Variants in CD200R1 observed in about 807,000 individuals in gnomAD.
CD200R1 encodes CD200 receptor 1, also known as cell surface glycoprotein CD200 receptor 1.
Under a neutral mutation model 38.1 loss-of-function variants are expected in CD200R1, and 30 were observed. The observed-to-expected ratio is 0.79, with a 90% CI of 0.59 to 1.07. The LOEUF is 1.07. CD200R1 is among the 50% of genes least tolerant of loss of function. CD200R1 has a pLI of 0.00. For synonymous variants in CD200R1, 128 were observed against 152.1 expected (o/e 0.84, Z 1.16); for missense variants, 372 against 415.4 (o/e 0.90, Z 0.91).
chr3:112,928,698 TA>T, intron 5 of CD200R1, 117 bp downstream of exon 5: 3 of 762,848 alleles, frequency 3.9e-6, no homozygotes, highest in Non-Finnish European at 4.2e-6. Context: ...AGGGAAGAGA[TA>T]AAAATGAAGA....
chr3:112,968,010 A>T (rs1423210891), intron 1 of CD200R1, among the ~76,000 whole-genome samples: 1 of 152,242 alleles, frequency 6.6e-6, no homozygotes, highest in East Asian at 1.9e-4. Flanking sequence ...ATACATCTTC[A>T]TTTCACAAAT....
intron 2 of CD200R1, among the ~76,000 whole-genome samples, chr3:112,941,090 G>A (rs1940717208): frequency 6.6e-6 from 1 of 151,504 alleles, no homozygotes; most frequent in African/African-American, 2.4e-5. Flanking sequence ...CTATGCAGAA[G>A]TTTAAAAAAA....
intron 1 of CD200R1, among the ~76,000 whole-genome samples, chr3:112,955,083 GTTAA>G: frequency 1.3e-5 from 2 of 152,314 alleles, no homozygotes; most frequent in Non-Finnish European, 2.9e-5. Flanking sequence ...ACTCATCAGT[GTTAA>G]TTGTTATGGT....
At chr3:112,973,967 C>T (rs1032466314) in intron 1 of CD200R1, among the ~76,000 whole-genome samples, 1 of 152,138 alleles carries the variant, frequency 6.6e-6, no homozygotes, top group African/African-American at 2.4e-5. Context: ...ACAGCCCACA[C>T]ATCTTGAAGA....
intron 7 of CD200R1, 139 bp downstream of exon 7, chr3:112,924,349 TCA>T (rs1447452708): frequency 2.3e-6 from 1 of 439,184 alleles, no homozygotes; most frequent in East Asian, 4.4e-5. Context: ...AACAAAGTAA[TCA>T]CACATATAAG....
chr3:112,941,088 A>G (rs1940717126), intron 2 of CD200R1, among the ~76,000 whole-genome samples: 1 of 151,670 alleles, frequency 6.6e-6, no homozygotes, highest in African/African-American at 2.4e-5. Context: ...TTCTATGCAG[A>G]AGTTTAAAAA....
In CD200R1 at chr3:112,974,806, T is replaced by C. The variant is rs773522185; in HGVS notation, c.52A>G (p.Ile18Val). 1.1e-5 allele frequency: 17 copies of C among 1,611,822 alleles called. No homozygotes were observed. Among genetic ancestry groups the C allele is most frequent in the Non-Finnish European group, 1.4e-5 (16 of 1,178,094 alleles). Reference sequence around the variant, plus strand: ...TCAAACTTACCGGCCACTAAGAAGATAGTCAAAATCAACAGTAGCCCTAGG... The same window carrying C: ...TCAAACTTACCGGCCACTAAGAAGACAGTCAAAATCAACAGTAGCCCTAGG... ...ANLGLLLILT[I>V]FLVAEAEGAA... The change falls in exon 1 of 8, where the codon ATC (isoleucine) becomes GTC (valine). Residue 18 changes from isoleucine (I) to valine (V), a missense_variant. Coordinates refer to ENST00000308611, the MANE Select transcript of CD200R1 (RefSeq NM_138806.4).
chr3:112,954,687 A>G (rs1359470411), intron 1 of CD200R1, among the ~76,000 whole-genome samples: 1 of 152,196 alleles, frequency 6.6e-6, no homozygotes, highest in Non-Finnish European at 1.5e-5. Flanking sequence ...AGCTAAACAT[A>G]TGGAGGTTAC....
At chr3:112,925,282 C>G (rs920230409) in intron 5 of CD200R1, 89 bp from the exon 6 acceptor site, 2 of 663,818 alleles carry the variant, frequency 3.0e-6, no homozygotes, top group African/African-American at 3.8e-5. Flanking sequence ...AATGAGCTAT[C>G]AAACCATAAA....
At chr3:112,938,197 G>T (rs1042589322) in intron 2 of CD200R1, among the ~76,000 whole-genome samples, 1 of 152,078 alleles carries the variant, frequency 6.6e-6, no homozygotes, top group Admixed American at 6.6e-5. Flanking sequence ...TCTCTTGCAT[G>T]ATTACCCTGG....
At chr3:112,952,156 A>G (rs1248171921) in intron 1 of CD200R1, among the ~76,000 whole-genome samples, 11 of 152,162 alleles carry the variant, frequency 7.2e-5, no homozygotes, top group Non-Finnish European at 1.5e-5. Flanking sequence ...TCAATGGAAT[A>G]TAATACATAA....
intron 2 of CD200R1, among the ~76,000 whole-genome samples, chr3:112,936,568 T>G (rs1940587791): frequency 6.6e-6 from 1 of 152,238 alleles, no homozygotes; most frequent in Non-Finnish European, 1.5e-5. Flanking sequence ...TGTTGAGCTT[T>G]TTTTCATATG....
At chr3:112,954,639 T>C (rs1941046420) in intron 1 of CD200R1, among the ~76,000 whole-genome samples, 2 of 152,096 alleles carry the variant, frequency 1.3e-5, no homozygotes, top group Non-Finnish European at 2.9e-5. Flanking sequence ...GAAGCCTCCA[T>C]AAAAACCCAA....
chr3:112,947,659 A>T (rs1940893434), intron 2 of CD200R1, among the ~76,000 whole-genome samples, 197 bp downstream of exon 2: 1 of 152,224 alleles, frequency 6.6e-6, no homozygotes, highest in Non-Finnish European at 1.5e-5. Flanking sequence ...GGTTTTGTTT[A>T]GTGATCCCAT....
chr3:112,958,651 G>A (rs2107336993), intron 1 of CD200R1, among the ~76,000 whole-genome samples: 2 of 152,156 alleles, frequency 1.3e-5, no homozygotes, highest in African/African-American at 4.8e-5. Flanking sequence ...AAAGCTGAAA[G>A]GAGATAACTA....
chr3:112,923,802 A>C lies in CD200R1; in HGVS notation c.925-3T>G. ...CTGGCATAGGGCTGCATTTCATCCT[A>C]AGAAAGAACTCAAAGTTAAAATCAA... On this transcript the variant is annotated splice_polypyrimidine_tract_variant and splice_region_variant and intron_variant, in intron 7 of 7. Coordinates refer to ENST00000308611, the MANE Select transcript of CD200R1 (RefSeq NM_138806.4). The C allele has an allele frequency of 3.9e-6, 6 of 1,547,788 alleles. No homozygotes were observed. The highest frequency in any genetic ancestry group is 5.3e-6 in the Non-Finnish European group (6 of 1,138,448).
Position 112,922,413 on chromosome 3 carries a change from C to T in CD200R1, c.*1264G>A, listed in dbSNP as rs895847698. 3.9e-5 allele frequency: 6 copies of T among 151,948 alleles called. No individual in the cohort carries two copies. The highest frequency in any genetic ancestry group is 1.4e-4 in the African/African-American group (6 of 41,418). The allele number at this position is 151,948 out of a possible 1,614,324, so 9.4% of individuals were successfully genotyped here. On this transcript the variant is annotated 3_prime_UTR_variant, in exon 8 of 8. Coordinates refer to ENST00000308611, the MANE Select transcript of CD200R1 (RefSeq NM_138806.4). ...AATATGGAGGGGAGGGTCATGCCAT[C>T]CCATGGCCACTTGCTTATTATGTAG... is the stretch of plus-strand genomic sequence containing the variant.
In CD200R1 at chr3:112,925,525, T is replaced by C. The variant is rs146940210; in HGVS notation, c.770-332A>G. 1.9e-3 allele frequency among the ~76,000 whole-genome samples: 295 copies of C among 152,230 alleles called. 2 individuals carry two copies. The highest frequency in any genetic ancestry group is 6.7e-3 in the African/African-American group (279 of 41,544). On this transcript the variant is annotated intron_variant, in intron 5 of 7. Transcript: ENST00000308611. ...ATAATACTGTACTGGTGGATACATG[T>C]CATTACACATTTGTCCAAACCCATG... is the stretch of plus-strand genomic sequence containing the variant.
intron 1 of CD200R1, among the ~76,000 whole-genome samples, chr3:112,957,129 T>C (rs939674124): frequency 6.6e-6 from 1 of 152,160 alleles, no homozygotes; most frequent in South Asian, 2.1e-4. Flanking sequence ...CACTGTGCTG[T>C]CTAGAATGGG....
Sources: allele counts gnomAD v4.1 joint callset (sites outside exome capture counted in the v4.1 genomes callset), GRCh38; gene constraint gnomAD v4.1.1; transcripts MANE v1.5; gene names NCBI Gene and HGNC (gene_info 2026-07-23, HGNC 2026-07-21).